The following PREPL variants were observed in gnomAD, a reference collection of about 807,000 sequenced individuals.
PREPL encodes the protein prolyl endopeptidase like.
Under a neutral mutation model 70.6 loss-of-function variants are expected in PREPL, and 77 were observed. The observed-to-expected ratio is 1.09, with a 90% CI of 0.91 to 1.32. The LOEUF (loss-of-function observed/expected upper bound fraction) is 1.32. PREPL is among the 40% of genes most tolerant of loss of function. PREPL has a pLI of 0.00. For synonymous variants in PREPL, 315 were observed against 264.8 expected (o/e 1.19, Z -1.84); for missense variants, 1,002 against 778.2 (o/e 1.29, Z -3.42).
rs138268686 is a variant in PREPL, at chr2:44,350,991, C to T, written c.-48-4601G>A. 6.0e-3 allele frequency among the ~76,000 whole-genome samples: 902 copies of T among 150,726 alleles called. 12 individuals are homozygous for T. The highest frequency in any genetic ancestry group is 0.02 in the African/African-American group (842 of 41,104). On this transcript the variant is annotated intron_variant, in intron 1 of 13. Transcript: ENST00000409411. ...TTTTTTTTTGTTTGAGATGGGATTT[C>T]GGCTCCCTGCAACCTCTGCCTCCTG...
chr2:44,343,915 T>C lies in PREPL; in HGVS notation c.179A>G (p.Glu60Gly), dbSNP rs1207275366. 1.2e-6 allele frequency: 2 copies of C among 1,614,042 alleles called. No homozygotes were observed. Among genetic ancestry groups the C allele is most frequent in the Non-Finnish European group, 1.7e-6 (2 of 1,179,950 alleles). The stretch of plus-strand genomic sequence containing the variant: ...GAAGGGCTGGTCTAACTTAAGTTCC[T>C]CCAAATTGAATAAAACTTCATAATT... ...NDNYEVLFNL[E>G]ELKLDQPFID... Residue 60 changes from glutamate to glycine, a missense_variant, in exon 4 of 14, where the codon GAG becomes GGG. Coordinates refer to ENST00000409411, the MANE Select transcript of PREPL (RefSeq NM_001171613.2).
intron 7 of PREPL, among the ~76,000 whole-genome samples, chr2:44,336,086 A>G (rs1212033429): frequency 6.6e-6 from 1 of 152,184 alleles, no homozygotes; most frequent in Non-Finnish European, 1.5e-5. Flanking sequence ...AAAAAAGGGA[A>G]AGCTTATACA....
At chr2:44,330,282 G>A (rs961538242) in intron 8 of PREPL, among the ~76,000 whole-genome samples, 10 of 152,168 alleles carry the variant, frequency 6.6e-5, no homozygotes, top group Admixed American at 1.3e-4. Flanking sequence ...GCTGGATCTG[G>A]GTTTGCCAGC....
chr2:44,326,231 A>G (rs1673473081), intron 10 of PREPL, among the ~76,000 whole-genome samples: 1 of 152,226 alleles, frequency 6.6e-6, no homozygotes, highest in Non-Finnish European at 1.5e-5. Context: ...TAAAGATAAT[A>G]AAGAACACTG....
At chr2:44,328,803 G>A in intron 9 of PREPL, 134 bp downstream of exon 9, 5 of 904,296 alleles carry the variant, frequency 5.5e-6, no homozygotes, top group Non-Finnish European at 8.1e-6. Flanking sequence ...TTTCACCAGT[G>A]CTGGTTTAGG....
In PREPL at chr2:44,320,120, CTCCT is replaced by C; in HGVS notation, c.*1232_*1235del. ...TGGAGCAAGTGTTTTGGGTAAATAA[CTCCT>C]TACAATATATTAAAAATACTTACAA... On this transcript the variant is annotated 3_prime_UTR_variant, in exon 14 of 14. Coordinates refer to ENST00000409411, the MANE Select transcript of PREPL (RefSeq NM_001171613.2). The C allele has an allele frequency of 7.8e-7, 1 of 1,285,248 alleles. No homozygotes were observed. The highest frequency in any genetic ancestry group is 1.4e-5 in the South Asian group (1 of 74,046). The allele number at this position is 1,285,248 out of a possible 1,614,324, so 79.6% of individuals were successfully genotyped here.
intron 1 of PREPL, among the ~76,000 whole-genome samples, chr2:44,347,785 G>A (rs933899008): frequency 6.6e-6 from 1 of 152,096 alleles, no homozygotes; most frequent in Non-Finnish European, 1.5e-5. Context: ...AGTATTTATT[G>A]CATAAAATAT....
Position 44,329,025 on chromosome 2 carries a change from C to G in PREPL, c.1174G>C (p.Ala392Pro). 6.2e-6 allele frequency: 10 copies of G among 1,613,862 alleles called. No individual in the cohort carries two copies. The highest frequency in any genetic ancestry group is 8.5e-6 in the Non-Finnish European group (10 of 1,179,742). The change falls in exon 9 of 14, where the codon GCT becomes CCT. Residue 392 changes from alanine (A) to proline (P), a missense_variant. Ala to Pro is a conservative substitution (Grantham distance 27). Transcript: ENST00000409411. ...KKPLLVHVYG[A>P]YGMDLKMNFR... Reference sequence around the variant, plus strand: ...TTCATTTTCAAATCCATTCCATAAGCTCCATATACATGTACCAAGAGAGGT... The same window carrying G: ...TTCATTTTCAAATCCATTCCATAAGGTCCATATACATGTACCAAGAGAGGT...
At chr2:44,323,553 C>A (rs72804911) in intron 10 of PREPL, 142 bp from the exon 11 acceptor site, 7,786 of 580,774 alleles carry the variant, frequency 0.013, 92 homozygotes, top group Non-Finnish European at 0.016. Context: ...CTAGAATACT[C>A]AGTCCTTAAC....
rs765730508 is a variant in PREPL, at chr2:44,338,487, A to G, written c.752T>C (p.Phe251Ser). ...TTTTGTATTTCTCTTCATTGTAAAA[A>G]ATAAATCCCAATTCATAATTGCAGG... is the stretch of plus-strand genomic sequence containing the variant. ...DTPAIMNWDL[F>S]FTMKRNTKVI... Residue 251 changes from phenylalanine to serine, a missense_variant, in exon 7 of 14, where the codon TTT becomes TCT. By Grantham distance (155) the Phe-to-Ser change is radical (BLOSUM62 -2). Transcript: ENST00000409411. 2.5e-6 allele frequency: 4 copies of G among 1,612,686 alleles called. No individual in the cohort carries two copies. The highest frequency in any genetic ancestry group is 2.5e-6 in the Non-Finnish European group (3 of 1,179,634).
Position 44,344,465 on chromosome 2 carries a change from T to TA in PREPL, c.142+54dup. 6 of 1,238,182 alleles carry TA rather than the reference T, an allele frequency of 4.8e-6. No individual in the cohort carries two copies. In the South Asian group the frequency reaches 6.2e-5, roughly 13 times the overall value. 76.7% of individuals were successfully genotyped at this position (1,238,182 alleles called of 1,614,324 possible). On this transcript the variant is annotated intron_variant, in intron 3 of 13. Coordinates refer to ENST00000409411, the MANE Select transcript of PREPL (RefSeq NM_001171613.2). ...CTTTGAGAAATTAATAAATTTCCTA[T>TA]AAAAAATATGAAATCTGAAAATTAG...
chr2:44,339,177 G>A lies in PREPL; in HGVS notation c.672C>T (p.Leu224=), dbSNP rs776294129. 3 of 1,613,954 alleles carry A rather than the reference G, an allele frequency of 1.9e-6. No homozygotes were observed. The highest frequency in any genetic ancestry group is 3.3e-5 in the Admixed American group (2 of 59,986). ...ATTCTGTAGGTTCTCCAACATTAGT[G>A]AGAATGTATAATTCATCATCTCTGT... The part of the protein sequence containing the change: ...VEHRDDELYI[L]TNVGEPTEFK... The change falls in exon 6 of 14, where the codon CTC becomes CTT. Residue 224 remains leucine, a synonymous_variant. Transcript: ENST00000409411.
chr2:44,331,638 G>C (rs773789471), intron 8 of PREPL, among the ~76,000 whole-genome samples: 4 of 152,134 alleles, frequency 2.6e-5, no homozygotes, highest in Non-Finnish European at 5.9e-5. Flanking sequence ...CTTCCTTGGA[G>C]AAAACTTCCC....
chr2:44,356,174 AT>A (rs1677022703), intron 1 of PREPL: 1 of 152,210 alleles, frequency 6.6e-6, no homozygotes, highest in Admixed American at 6.5e-5. Flanking sequence ...ATCATCAAAC[AT>A]TTCCAATTTC....
intron 12 of PREPL, 31 bp downstream of exon 12, chr2:44,322,700 C>T: frequency 6.2e-7 from 1 of 1,605,660 alleles, no homozygotes; most frequent in Non-Finnish European, 8.5e-7. Flanking sequence ...GTCTGTTTGG[C>T]CATGTTCCCT....
chr2:44,353,593 AT>A lies in PREPL; in HGVS notation c.-48-7204del, dbSNP rs374018351. ...ACAGAGCGAGACTCCATCTCAAAAA[AT>A]AAATAAATAAATAAATAAAACTTAT... On this transcript the variant is annotated intron_variant, in intron 1 of 13. Coordinates refer to ENST00000409411, the MANE Select transcript of PREPL (RefSeq NM_001171613.2). Among the ~76,000 whole-genome samples, 525 of 149,716 alleles carry A rather than the reference AT, an allele frequency of 3.5e-3. 11 individuals carry two copies. The highest frequency in any genetic ancestry group is 0.02 in the Admixed American group (300 of 15,046).
At position 44,338,453 on chromosome 2, in the gene PREPL, G is replaced by C. The variant is rs754846727; in HGVS notation, c.786C>G (p.Asp262Glu). 6.2e-7 allele frequency: 1 copy of C among 1,612,714 alleles called. No homozygotes were observed. The change falls in exon 7 of 14, where the codon GAC becomes GAG. Residue 262 changes from aspartate to glutamate, a missense_variant. Asp to Glu is a conservative substitution (Grantham distance 45, BLOSUM62 2). Transcript: ENST00000409411. ...FTMKRNTKVI[D>E]LDMFKDHCVL... ...CACAGTGATCCTTAAACATGTCCAA[G>C]TCTATCACTTTTGTATTTCTCTTCA... is the stretch of plus-strand genomic sequence containing the variant.
At chr2:44,356,074 C>A (rs751264938) in intron 1 of PREPL, among the ~76,000 whole-genome samples, 1 of 152,144 alleles carries the variant, frequency 6.6e-6, no homozygotes, top group Non-Finnish European at 1.5e-5. Flanking sequence ...ATCTTGCCAT[C>A]TGGCTAATGT....
chr2:44,335,771 A>C (rs944210270), intron 7 of PREPL, among the ~76,000 whole-genome samples: 20 of 152,086 alleles, frequency 1.3e-4, no homozygotes, highest in African/African-American at 2.7e-4. Context: ...GAATGGGAGA[A>C]AATATTTACA....
Sources: allele counts gnomAD v4.1 joint callset (sites outside exome capture counted in the v4.1 genomes callset), GRCh38; gene constraint gnomAD v4.1.1; transcripts MANE v1.5; gene names NCBI Gene and HGNC (gene_info 2026-07-23, HGNC 2026-07-21).